The following DMD variants were observed in gnomAD, a reference collection of about 807,000 sequenced individuals.
The protein encoded by DMD is mutant dystrophin.
In DMD, 63 loss-of-function variants were observed where a neutral mutation model predicts 330.1. The ratio of observed to expected loss-of-function variants is 0.19; its 90% CI spans 0.16 to 0.24. The LOEUF is 0.24. Ranked by LOEUF, DMD falls within the 10% of genes least tolerant of loss-of-function variation. The pLI, the probability that DMD is intolerant of heterozygous loss-of-function variation, is 1.00. For missense variants in DMD, 3,344 were observed against 2,684.1 expected, an observed-to-expected ratio of 1.25 and a Z score of -5.43; for synonymous variants, 1,223 against 959.8, an observed-to-expected ratio of 1.27 and a Z score of -5.07.
At chrX:32,279,966 C>CATATATATATACCCCACAT (rs200773895) in intron 43 of DMD, among the ~76,000 whole-genome samples, 1 of 64,330 alleles carries the variant, frequency 1.6e-5, no homozygotes, top group East Asian at 4.5e-4. Flanking sequence ...ATGTGTAACC[C>CATATATATATACCCCACAT]ATATATATAT....
At chrX:32,563,781 G>A (rs1482433025) in intron 16 of DMD, among the ~76,000 whole-genome samples, 2 of 112,089 alleles carry the variant, frequency 1.8e-5, no homozygotes. Flanking sequence ...GTATTCCCAA[G>A]AAGCTCTCCC....
chrX:32,478,396 G>A (rs2041464929), intron 21 of DMD, among the ~76,000 whole-genome samples: 2 of 111,453 alleles, frequency 1.8e-5, no homozygotes, highest in South Asian at 7.4e-4. Flanking sequence ...CTAAAGTCAA[G>A]GAGATAATGC....
chrX:31,233,990 G>A (rs931413288), intron 63 of DMD, among the ~76,000 whole-genome samples: 9 of 111,710 alleles, frequency 8.1e-5, no homozygotes, highest in Non-Finnish European at 1.1e-4. Flanking sequence ...GTGATTTCCC[G>A]TTGTCTTGCT....
intron 35 of DMD, 46 bp from the exon 36 acceptor site, chrX:32,364,756 T>C (rs766483144): frequency 2.6e-6 from 3 of 1,174,921 alleles, no homozygotes; most frequent in Non-Finnish European, 3.5e-6. Flanking sequence ...TTAGACAATA[T>C]TCTTAAAGAA....
chrX:31,943,559 T>C (rs1603617090), intron 45 of DMD, among the ~76,000 whole-genome samples: 1 of 112,046 alleles, frequency 8.9e-6, no homozygotes. Flanking sequence ...TCACTTTTCT[T>C]GTCTTGGCTT....
At chrX:31,630,256 C>T (rs1203357043) in intron 54 of DMD, among the ~76,000 whole-genome samples, 1 of 111,934 alleles carries the variant, frequency 8.9e-6, no homozygotes, top group Non-Finnish European at 1.9e-5. Context: ...TAGGGAAGAA[C>T]AGTAACTCTT....
At chrX:32,103,503 G>T in intron 44 of DMD, among the ~76,000 whole-genome samples, 1 of 111,414 alleles carries the variant, frequency 9.0e-6, no homozygotes, top group Non-Finnish European at 1.9e-5. Context: ...ATTATAAGCC[G>T]AAGCTCCACG....
intron 35 of DMD, 73 bp downstream of exon 35, chrX:32,364,947 T>C (rs2097849280): frequency 2.7e-6 from 3 of 1,113,862 alleles, no homozygotes; most frequent in African/African-American, 1.8e-5. Flanking sequence ...AAACACAGAA[T>C]TGTTACTGGT....
intron 1 of DMD, among the ~76,000 whole-genome samples, chrX:33,083,990 A>G (rs1569553361): frequency 9.0e-6 from 1 of 111,660 alleles, no homozygotes. Context: ...TCACCAATCC[A>G]GACACCCCAA....
At chrX:33,082,628 C>T (rs1279486939) in intron 1 of DMD, among the ~76,000 whole-genome samples, 1 of 112,333 alleles carries the variant, frequency 8.9e-6, no homozygotes, top group East Asian at 2.8e-4. Flanking sequence ...CAGTTTCAGG[C>T]TTGCAAGGCT....
intron 32 of DMD, among the ~76,000 whole-genome samples, chrX:32,388,362 A>C (rs2097975190): frequency 1.8e-5 from 1 of 56,682 alleles, no homozygotes; most frequent in South Asian, 6.6e-4. Flanking sequence ...TTTTGGCAAA[A>C]TTTAAGATGG....
chrX:31,994,437 G>A (rs7878387), intron 44 of DMD, among the ~76,000 whole-genome samples: 1 of 110,685 alleles, frequency 9.0e-6, no homozygotes, highest in Non-Finnish European at 1.9e-5. Flanking sequence ...TTTTACTTCC[G>A]CCACTGAAAC....
intron 4 of DMD, among the ~76,000 whole-genome samples, chrX:32,839,295 G>A (rs759130987): frequency 6.3e-5 from 7 of 111,169 alleles, no homozygotes; most frequent in African/African-American, 2.3e-4. Context: ...CCTTCCTATA[G>A]ACAATTCCAA....
intron 67 of DMD, among the ~76,000 whole-genome samples, chrX:31,202,643 C>T (rs1046368671): frequency 1.8e-5 from 2 of 111,997 alleles, no homozygotes; most frequent in Non-Finnish European, 3.8e-5. Context: ...TCAAAGACTT[C>T]AGATATAACC....
rs769724078 is a variant in DMD at position 32,487,435 on chromosome X, C to T, written c.2623-2336G>A. ...GAAATTTAAAAATTGGAACATGAGC[C>T]CATTAGAAGAAAGAGAAAATGGAAA... On this transcript the variant is annotated intron_variant, in intron 20 of 78. Transcript: ENST00000357033. Among the ~76,000 whole-genome samples, 3 of 110,300 alleles carry T rather than the reference C, an allele frequency of 2.7e-5. No homozygotes were observed. In the East Asian group the frequency reaches 8.6e-4, roughly 32 times the overall value.
chrX:32,816,049 ATTAAT>A (rs2148802746), intron 6 of DMD, among the ~76,000 whole-genome samples: 1 of 111,425 alleles, frequency 9.0e-6, no homozygotes, highest in African/African-American at 3.3e-5. Flanking sequence ...GATGATGGTA[ATTAAT>A]TTAACTACAA....
intron 30 of DMD, among the ~76,000 whole-genome samples, chrX:32,398,005 T>A (rs773560066): frequency 1.2e-4 from 13 of 111,088 alleles, no homozygotes; most frequent in South Asian, 1.1e-3. Context: ...ATTAGTAATT[T>A]TGAAAGAGCC....
rs943029075 is a variant in DMD, at chrX:32,235,824, G to T, written c.6291-18761C>A. 2.7e-5 allele frequency among the ~76,000 whole-genome samples: 3 copies of T among 110,923 alleles called. No homozygotes were observed. The Admixed American group carries it at 2.9e-4, about 11-fold the overall frequency. Reference sequence around the variant, plus strand: ...ATCGCCCTTAAATTTGTCATTAACAGACTATTGTTTTAGTTTTAGTGTTTT... The same window carrying T: ...ATCGCCCTTAAATTTGTCATTAACATACTATTGTTTTAGTTTTAGTGTTTT... On this transcript the variant is annotated intron_variant, in intron 43 of 78. Coordinates refer to ENST00000357033, the MANE Select transcript of DMD (RefSeq NM_004006.3).
chrX:31,930,141 A>G (rs754950231), intron 46 of DMD, among the ~76,000 whole-genome samples: 2 of 111,045 alleles, frequency 1.8e-5, no homozygotes, highest in Non-Finnish European at 3.8e-5. Flanking sequence ...GAGAAATTGC[A>G]TTATCATCTT....
Sources: gnomAD v4.1 joint callset for allele counts (sites outside exome capture counted in the v4.1 genomes callset) on GRCh38, gnomAD v4.1.1 for gene constraint, MANE v1.5 for transcripts, NCBI Gene and HGNC (gene_info 2026-07-23, HGNC 2026-07-21) for gene names.